Variants in FHIT observed in about 807,000 individuals in gnomAD.
FHIT encodes the protein fragile histidine triad diadenosine triphosphatase, also known as bis(5'-adenosyl)-triphosphatase.
A neutral mutation model predicts 17.9 loss-of-function variants in FHIT; 19 were observed. That is an observed-to-expected ratio of 1.06 (90% confidence interval 0.74 to 1.56). FHIT has a LOEUF of 1.56. Among genes scored for constraint, FHIT ranks in the 40% most tolerant of loss-of-function variants. The pLI is 0.00. For synonymous variants in FHIT, 81 were observed against 69.7 expected (o/e 1.16, Z -0.81); for missense variants, 248 against 189.2 (o/e 1.31, Z -1.82).
chr3:60,062,198 C>T (rs1352778817), intron 5 of FHIT, among the ~76,000 whole-genome samples: 2 of 152,110 alleles, frequency 1.3e-5, no homozygotes, highest in East Asian at 3.9e-4. Context: ...GTGTGCTCAA[C>T]AACCAAGTAC....
chr3:60,224,015 C>T (rs1048722384), intron 5 of FHIT, among the ~76,000 whole-genome samples: 1 of 152,010 alleles, frequency 6.6e-6, no homozygotes, highest in Non-Finnish European at 1.5e-5. Context: ...TTGTATGTTT[C>T]CTCCTCCCCT....
chr3:59,831,993 A>G (rs1701180769), intron 8 of FHIT, among the ~76,000 whole-genome samples: 1 of 152,066 alleles, frequency 6.6e-6, no homozygotes, highest in Non-Finnish European at 1.5e-5. Context: ...ACTTCCCCTA[A>G]GGAGCTGGGT....
chr3:60,425,872 C>A (rs1419866226), intron 5 of FHIT, among the ~76,000 whole-genome samples: 3 of 151,904 alleles, frequency 2.0e-5, no homozygotes, highest in Non-Finnish European at 4.4e-5. Context: ...TGATAGCCAT[C>A]CCATATAAGA....
chr3:60,951,748 G>A (rs1477168341), intron 3 of FHIT, among the ~76,000 whole-genome samples: 2 of 152,198 alleles, frequency 1.3e-5, no homozygotes, highest in South Asian at 2.1e-4. Context: ...TAAGGAGAAT[G>A]ATCTAGATGG....
chr3:59,759,495 T>G (rs1386377574), intron 8 of FHIT, among the ~76,000 whole-genome samples: 1 of 152,188 alleles, frequency 6.6e-6, no homozygotes, highest in Non-Finnish European at 1.5e-5. Context: ...GCTTTCTCCC[T>G]GGTGCTTGTC....
intron 4 of FHIT, among the ~76,000 whole-genome samples, chr3:60,642,049 A>C (rs1363253098): frequency 6.6e-6 from 1 of 152,150 alleles, no homozygotes; most frequent in African/African-American, 2.4e-5. Flanking sequence ...GAAGGGACAC[A>C]GACCCTGAAA....
At chr3:60,889,811 A>T (rs1705420024) in intron 3 of FHIT, among the ~76,000 whole-genome samples, 1 of 152,194 alleles carries the variant, frequency 6.6e-6, no homozygotes, top group South Asian at 2.1e-4. Context: ...GGTTAATATG[A>T]TTCAATTTAC....
chr3:60,297,171 T>C (rs1324756523), intron 5 of FHIT, among the ~76,000 whole-genome samples: 2 of 152,078 alleles, frequency 1.3e-5, no homozygotes, highest in Non-Finnish European at 2.9e-5. Flanking sequence ...TGTCTATATC[T>C]ACTAAAAATT....
chr3:61,060,855 T>C (rs1398729886), intron 2 of FHIT, among the ~76,000 whole-genome samples: 1 of 152,230 alleles, frequency 6.6e-6, no homozygotes, highest in African/African-American at 2.4e-5. Context: ...CAGAGCATGA[T>C]CCTGCAGCAC....
At chr3:60,109,643 C>A (rs1704585791) in intron 5 of FHIT, among the ~76,000 whole-genome samples, 1 of 152,050 alleles carries the variant, frequency 6.6e-6, no homozygotes, top group Admixed American at 6.5e-5. Context: ...TCCTTAAATG[C>A]GGCAGAAAAT....
At chr3:60,781,753 T>C (rs950416378) in intron 4 of FHIT, among the ~76,000 whole-genome samples, 1 of 152,198 alleles carries the variant, frequency 6.6e-6, no homozygotes, top group Non-Finnish European at 1.5e-5. Flanking sequence ...AAGTACCACT[T>C]GGCTGAAAAA....
In FHIT at chr3:61,006,593, T is replaced by C. The variant is rs929111351; in HGVS notation, c.-111+35454A>G. ...GCACCAAAAAAGTCCCCCACTGATT[T>C]GGAAAACATATTCTTTTTTTTTTTT... On this transcript the variant is annotated intron_variant, in intron 3 of 9. Coordinates refer to ENST00000492590, the MANE Select transcript of FHIT (RefSeq NM_002012.4). Among the ~76,000 whole-genome samples the C allele has an allele frequency of 2.4e-5, 3 of 126,320 alleles. No homozygotes were observed. The East Asian group carries it at 7.6e-4, about 32-fold the overall frequency. 82.9% of individuals were successfully genotyped at this position (126,320 alleles called of 152,430 possible).
intron 2 of FHIT, among the ~76,000 whole-genome samples, chr3:61,139,489 G>A (rs1446732351): frequency 6.6e-6 from 1 of 151,708 alleles, no homozygotes; most frequent in Non-Finnish European, 1.5e-5. Context: ...CCAGTATCAA[G>A]ATCTCACATC....
chr3:61,073,479 G>A (rs1418052161), intron 2 of FHIT, among the ~76,000 whole-genome samples: 1 of 152,134 alleles, frequency 6.6e-6, no homozygotes, highest in Non-Finnish European at 1.5e-5. Flanking sequence ...AAGCCAGCCT[G>A]AGCTATGCTT....
chr3:60,965,260 A>T (rs1429917400), intron 3 of FHIT, among the ~76,000 whole-genome samples: 1 of 152,176 alleles, frequency 6.6e-6, no homozygotes, highest in Non-Finnish European at 1.5e-5. Context: ...CGTAGTTCTC[A>T]TGCCATGGTT....
chr3:60,831,089 C>T (rs1553742399), intron 3 of FHIT, among the ~76,000 whole-genome samples: 1 of 151,994 alleles, frequency 6.6e-6, no homozygotes, highest in East Asian at 1.9e-4. Flanking sequence ...TACCACTTCC[C>T]CAACTAGTTG....
intron 2 of FHIT, among the ~76,000 whole-genome samples, chr3:61,062,449 T>A (rs181408522): frequency 2.6e-5 from 4 of 152,350 alleles, no homozygotes; most frequent in Non-Finnish European, 4.4e-5. Flanking sequence ...GACCTCCATA[T>A]AATTTATTGG....
Position 59,956,747 on chromosome 3 carries a change from C to A in FHIT, c.280-34333G>T, listed in dbSNP as rs930167531. On this transcript the variant is annotated intron_variant, in intron 7 of 9. Transcript: ENST00000492590. ...TGTAAAATGGGGATAAGAACAGTAG[C>A]CACCTCACATAGTGGTGAATATTCA... Among the ~76,000 whole-genome samples, 3 of 152,160 alleles carry A rather than the reference C, an allele frequency of 2.0e-5. No individual in the cohort carries two copies. The South Asian group carries it at 6.2e-4, about 32-fold the overall frequency.
intron 7 of FHIT, among the ~76,000 whole-genome samples, chr3:59,992,056 A>G (rs1222281912): frequency 3.3e-5 from 5 of 152,108 alleles, no homozygotes; most frequent in South Asian, 2.1e-4. Flanking sequence ...AAAATGAAGT[A>G]AAACGAAACA....
Sources: allele counts gnomAD v4.1 joint callset (sites outside exome capture counted in the v4.1 genomes callset), GRCh38; gene constraint gnomAD v4.1.1; transcripts MANE v1.5; gene names NCBI Gene and HGNC (gene_info 2026-07-23, HGNC 2026-07-21).